SIRT4: variants seen among roughly 807,000 people sequenced by gnomAD.
The protein encoded by SIRT4 is sirtuin 4, also known as NAD-dependent protein lipoamidase sirtuin-4, mitochondrial.
Under a neutral mutation model 26.1 loss-of-function variants are expected in SIRT4, and 23 were observed. The observed-to-expected ratio is 0.88, with a 90% CI of 0.63 to 1.25. The LOEUF (loss-of-function observed/expected upper bound fraction) is 1.25. Ranked by LOEUF, SIRT4 falls within the 50% of genes most tolerant of loss-of-function variation. The probability of loss-of-function intolerance (pLI) is 0.00; values close to 1 mark genes in which losing one functional copy is unlikely to be tolerated. For missense variants in SIRT4, 361 were observed against 405.4 expected (o/e 0.89, Z 0.94); for synonymous variants, 155 against 158.4 (o/e 0.98, Z 0.16).
chr12:120,300,858 CTG>C (rs1872516312), upstream of SIRT4, among the ~76,000 whole-genome samples: 1 of 152,126 alleles, frequency 6.6e-6, no homozygotes, highest in Non-Finnish European at 1.5e-5. Context: ...TTAGGTGATG[CTG>C]CAGAGCGGCA....
At chr12:120,296,505 T>G in the SIRT4 span, among the ~76,000 whole-genome samples, 20 of 121,954 alleles carry the variant, frequency 1.6e-4, no homozygotes, top group South Asian at 2.8e-4. Flanking sequence ...TTGTTTTGTG[T>G]TTTTTTTTTT....
At chr12:120,310,180 A>C (rs1179374566) in intron 2 of SIRT4, among the ~76,000 whole-genome samples, 1 of 151,984 alleles carries the variant, frequency 6.6e-6, no homozygotes, top group Non-Finnish European at 1.5e-5. Context: ...CTGTAGTCTC[A>C]GCACTTTGGG....
At chr12:120,296,086 C>CAAAAAAAAAAA in the SIRT4 span, among the ~76,000 whole-genome samples, 1 of 40,190 alleles carries the variant, frequency 2.5e-5, no homozygotes, top group Non-Finnish European at 4.3e-5. Flanking sequence ...GACTCCGTCT[C>CAAAAAAAAAAA]AAAAAAAAAA....
chr12:120,293,132 C>G, the SIRT4 span: 4 of 152,288 alleles, frequency 2.6e-5, no homozygotes, highest in South Asian at 2.1e-4. Flanking sequence ...CCAGTGCCGA[C>G]TATATTGCAA....
upstream of SIRT4, among the ~76,000 whole-genome samples, chr12:120,301,812 G>A (rs1872559863): frequency 6.6e-6 from 1 of 152,100 alleles, no homozygotes; most frequent in Admixed American, 6.6e-5. Context: ...AGTGGCTCAC[G>A]CCTATAATCC....
chr12:120,303,747 G>T lies in SIRT4; in HGVS notation c.186G>T (p.Gly62=), dbSNP rs1315638397. 6.2e-7 allele frequency: 1 copy of T among 1,613,968 alleles called. No individual in the cohort carries two copies. The highest frequency in any genetic ancestry group is 8.5e-7 in the Non-Finnish European group (1 of 1,180,032). ...TLSKRLLVMT[G]AGISTESGIP... The stretch of plus-strand genomic sequence containing the variant: ...CCAAGAGACTCCTTGTGATGACTGG[G>T]GCAGGAATCTCCACCGAATCGGGGA... The change falls in exon 2 of 4, where the codon GGG becomes GGT. Residue 62 remains glycine, a synonymous_variant. Coordinates refer to ENST00000202967, the MANE Select transcript of SIRT4 (RefSeq NM_012240.3).
the SIRT4 span, among the ~76,000 whole-genome samples, chr12:120,294,365 G>A: frequency 6.6e-6 from 1 of 150,714 alleles, no homozygotes; most frequent in Non-Finnish European, 1.5e-5. Context: ...GCGCAATGGC[G>A]AGATCAACCT....
chr12:120,296,298 A>C, the SIRT4 span, among the ~76,000 whole-genome samples: 3 of 150,622 alleles, frequency 2.0e-5, no homozygotes, highest in African/African-American at 7.3e-5. Flanking sequence ...GCTCACTGCG[A>C]GCTCCGCCTT....
chr12:120,311,592 G>A (rs552877663), intron 2 of SIRT4, among the ~76,000 whole-genome samples: 3 of 151,152 alleles, frequency 2.0e-5, no homozygotes, highest in South Asian at 2.1e-4. Flanking sequence ...AAAATTAGTC[G>A]GGTGTGGTAG....
At chr12:120,300,895 A>G (rs748500827), upstream of SIRT4, among the ~76,000 whole-genome samples, 64 of 152,192 alleles carry the variant, frequency 4.2e-4, no homozygotes, top group Non-Finnish European at 1.2e-4. Flanking sequence ...CACATTAGGA[A>G]CAATTAGGAA....
At chr12:120,293,170 T>C in the SIRT4 span, 1 of 152,058 alleles carries the variant, frequency 6.6e-6, no homozygotes. Context: ...TTGGGAAAAG[T>C]TTTCAATTAG....
At chr12:120,291,853 T>C in the SIRT4 span, 9 of 152,164 alleles carry the variant, frequency 5.9e-5, no homozygotes, top group Non-Finnish European at 7.3e-5. Context: ...TTAGCAATAA[T>C]CGCGCCTCGG....
rs202062341 is a variant in SIRT4 at position 120,303,594 on chromosome 12, A to G, written c.33A>G (p.Ser11=). ...TGAGCTTTGCGTTGACTTTCAGGTC[A>G]GCAAAAGGCCGTTGGATCGCAAACC... The part of the protein sequence containing the change: MKMSFALTFR[S]AKGRWIANPS... Residue 11 remains serine (S), a synonymous_variant, in exon 2 of 4, where the codon TCA becomes TCG. Transcript: ENST00000202967. The G allele has an allele frequency of 4.3e-6, 7 of 1,613,462 alleles. No homozygotes were observed. The highest frequency in any genetic ancestry group is 5.9e-6 in the Non-Finnish European group (7 of 1,179,910).
At chr12:120,309,621 C>A (rs184273377) in intron 2 of SIRT4, among the ~76,000 whole-genome samples, 1 of 151,642 alleles carries the variant, frequency 6.6e-6, no homozygotes, top group African/African-American at 2.4e-5. Context: ...CGTGTTGGGC[C>A]AGGCTGGTCT....
At chr12:120,302,530 G>C (rs1872582681) in intron 1 of SIRT4, among the ~76,000 whole-genome samples, 152 bp downstream of exon 1, 1 of 152,002 alleles carries the variant, frequency 6.6e-6, no homozygotes, top group Non-Finnish European at 1.5e-5. Flanking sequence ...TGACCCTTTG[G>C]TCTCGGGAAA....
chr12:120,312,975 T>C lies in SIRT4; in HGVS notation c.884T>C (p.Leu295Ser), dbSNP rs952666707. The part of the protein sequence containing the change: ...LNIGPTRSDD[L>S]ACLKLNSRCG... ...ATTGGGCCCACACGGTCGGATGACT[T>C]GGCGTGTCTGAAACTGAATTCTCGT... is the stretch of plus-strand genomic sequence containing the variant. The change falls in exon 4 of 4, where the codon TTG (leucine) becomes TCG (serine). Residue 295 changes from leucine (L) to serine (S), a missense_variant. Leu to Ser is a moderately radical substitution (Grantham distance 145, BLOSUM62 -2). Coordinates refer to ENST00000202967, the MANE Select transcript of SIRT4 (RefSeq NM_012240.3). 1 of 1,614,026 alleles carries C rather than the reference T, an allele frequency of 6.2e-7. No homozygotes were observed. The highest frequency in any genetic ancestry group is 1.3e-5 in the African/African-American group (1 of 74,928).
upstream of SIRT4, among the ~76,000 whole-genome samples, chr12:120,297,340 A>AG (rs1491208054): frequency 4.1e-3 from 467 of 114,050 alleles, 3 homozygotes; most frequent in African/African-American, 0.014. Context: ...AAAAAAAAAA[A>AG]AGAGAGAGAG....
intron 2 of SIRT4, among the ~76,000 whole-genome samples, chr12:120,308,762 T>C (rs1177238913): frequency 1.3e-5 from 2 of 152,104 alleles, no homozygotes; most frequent in Non-Finnish European, 2.9e-5. Flanking sequence ...AAAAATAGCA[T>C]TTGAGGAAGG....
chr12:120,313,194 AT>A lies in SIRT4; in HGVS notation c.*160del. On this transcript the variant is annotated 3_prime_UTR_variant, in exon 4 of 4. Coordinates refer to ENST00000202967, the MANE Select transcript of SIRT4 (RefSeq NM_012240.3). ...GTTCTAGGTATCTTAATGTGTGGATATTCTTAATTAAAACTCATTTTTTTTA... is the reference window on the plus strand; with the variant it reads ...GTTCTAGGTATCTTAATGTGTGGATATCTTAATTAAAACTCATTTTTTTTA... The A allele has an allele frequency of 1.3e-6, 1 of 745,400 alleles. No homozygotes were observed. Among genetic ancestry groups the A allele is most frequent in the East Asian group, 2.6e-5 (1 of 37,846 alleles). 46.2% of individuals were successfully genotyped at this position (745,400 alleles called of 1,614,324 possible). A position where few individuals can be genotyped will look rare whatever the true frequency, so the allele number is the denominator to read the frequency against.
Sources: allele counts gnomAD v4.1 joint callset (sites outside exome capture counted in the v4.1 genomes callset), GRCh38; gene constraint gnomAD v4.1.1; transcripts MANE v1.5; gene names NCBI Gene and HGNC (gene_info 2026-07-23, HGNC 2026-07-21).